The following BTD variants were observed in gnomAD, a reference collection of about 807,000 sequenced individuals.
BTD encodes the protein biocytinase.
In BTD, 13 loss-of-function variants were observed where a neutral mutation model predicts 17.7. The ratio of observed to expected loss-of-function variants is 0.74; its 90% CI spans 0.48 to 1.17. The LOEUF (loss-of-function observed/expected upper bound fraction) is 1.17. Among genes scored for constraint, BTD ranks in the 50% most tolerant of loss-of-function variants. The pLI, the probability that BTD is intolerant of heterozygous loss-of-function variation, is 0.00. For synonymous variants in BTD, 240 were observed against 245.2 expected, an observed-to-expected ratio of 0.98 and a Z score of 0.20; for missense variants, 674 against 650.4, an observed-to-expected ratio of 1.04 and a Z score of -0.39.
chr3:15,639,398 C>A (rs2065440994), intron 2 of BTD, among the ~76,000 whole-genome samples: 1 of 151,838 alleles, frequency 6.6e-6, no homozygotes, highest in Non-Finnish European at 1.5e-5. Flanking sequence ...TTATTTAATT[C>A]ATTAATTAAG....
At chr3:15,619,081 T>C (rs1007035133) in intron 1 of BTD, among the ~76,000 whole-genome samples, 3 of 152,230 alleles carry the variant, frequency 2.0e-5, no homozygotes, top group African/African-American at 7.2e-5. Context: ...TACGGTATGA[T>C]GTTGAAAAGC....
chr3:15,614,078 A>AATGTGTC (rs1284440674), intron 1 of BTD, among the ~76,000 whole-genome samples: 2 of 149,842 alleles, frequency 1.3e-5, no homozygotes, highest in African/African-American at 4.9e-5. Flanking sequence ...AAACATGTGT[A>AATGTGTC]ATGTGTCATG....
chr3:15,716,462 A>G (rs1181212236), downstream of BTD, among the ~76,000 whole-genome samples: 2 of 150,774 alleles, frequency 1.3e-5, no homozygotes, highest in East Asian at 2.0e-4. Flanking sequence ...TGGCTAATTT[A>G]TTTTTTGTAG....
intron 1 of BTD, chr3:15,631,488 T>G (rs1308997618): frequency 6.5e-7 from 1 of 1,534,514 alleles, no homozygotes; most frequent in Non-Finnish European, 8.7e-7. Context: ...GATGAATCAT[T>G]TAGCAAGGTG....
intron 3 of BTD, among the ~76,000 whole-genome samples, chr3:15,699,865 C>T (rs2070298173): frequency 6.6e-6 from 1 of 152,166 alleles, no homozygotes; most frequent in Admixed American, 6.5e-5. Context: ...TACCATTTGA[C>T]CCAGCCATCC....
At chr3:15,618,278 C>T (rs1395841515) in intron 1 of BTD, among the ~76,000 whole-genome samples, 2 of 152,094 alleles carry the variant, frequency 1.3e-5, no homozygotes, top group African/African-American at 4.8e-5. Context: ...AGTTTAGAAT[C>T]AGTTTGTTGA....
intron 3 of BTD, among the ~76,000 whole-genome samples, chr3:15,643,974 ATTTATTTATTTATTT>A (rs1559598616): frequency 1.4e-3 from 25 of 17,490 alleles, no homozygotes; most frequent in African/African-American, 4.2e-3. Context: ...TATTTAATTT[ATTTATTTATTTATTT>A]ATTTATTTAT....
At chr3:15,627,309 G>A (rs1326805451) in intron 1 of BTD, among the ~76,000 whole-genome samples, 2 of 152,138 alleles carry the variant, frequency 1.3e-5, no homozygotes, top group African/African-American at 4.8e-5. Context: ...CGCAACCCCT[G>A]CCTCCCAGGC....
chr3:15,685,208 T>C, intron 3 of BTD: 1 of 1,610,066 alleles, frequency 6.2e-7, no homozygotes, highest in Non-Finnish European at 8.5e-7. Context: ...GATATGCATT[T>C]GTGTTTGTAT....
At chr3:15,678,503 G>C in intron 3 of BTD, 1 of 579,178 alleles carries the variant, frequency 1.7e-6, no homozygotes, top group Non-Finnish European at 2.7e-6. Context: ...AGGCTCAATG[G>C]AGCTTACTAA....
At chr3:15,609,422 A>G (rs1031633041) in intron 1 of BTD, among the ~76,000 whole-genome samples, 1 of 152,204 alleles carries the variant, frequency 6.6e-6, no homozygotes, top group African/African-American at 2.4e-5. Flanking sequence ...TTTTTTGGAA[A>G]CAGTGTGCTC....
At chr3:15,704,590 A>G (rs1575264439) in intron 3 of BTD, among the ~76,000 whole-genome samples, 2 of 152,188 alleles carry the variant, frequency 1.3e-5, no homozygotes, top group East Asian at 3.8e-4. Flanking sequence ...CTTCTTTTAG[A>G]AAATATTTCA....
chr3:15,639,081 T>C (rs948705068), intron 2 of BTD, among the ~76,000 whole-genome samples: 10 of 152,078 alleles, frequency 6.6e-5, no homozygotes, highest in African/African-American at 2.4e-4. Context: ...TAACCTTCAT[T>C]CCTCAGAAGG....
upstream of BTD, chr3:15,601,565 C>T (rs2064244217): frequency 6.2e-7 from 1 of 1,600,868 alleles, no homozygotes; most frequent in Non-Finnish European, 8.5e-7. Flanking sequence ...TGGTACTGCA[C>T]CTCTGACGGA....
At chr3:15,672,338 C>T (rs1271319994) in intron 3 of BTD, among the ~76,000 whole-genome samples, 1 of 152,038 alleles carries the variant, frequency 6.6e-6, no homozygotes, top group Non-Finnish European at 1.5e-5. Flanking sequence ...TACAGGGTCT[C>T]GCTTTGTTCC....
chr3:15,672,940 T>C lies in BTD; in HGVS notation c.399+30883T>C, dbSNP rs2066531108. ...ACAGGCACATGCCACCACACCTGGCTAATTTTTGTATTTTTAGTAGAGACG... is the reference window on the plus strand; with the variant it reads ...ACAGGCACATGCCACCACACCTGGCCAATTTTTGTATTTTTAGTAGAGACG... On this transcript the variant is annotated intron_variant, in intron 3 of 3. Coordinates refer to the BTD transcript ENST00000672141. Among the ~76,000 whole-genome samples the C allele has an allele frequency of 2.0e-5, 3 of 152,210 alleles. No individual in the cohort carries two copies. In the South Asian group the frequency reaches 6.2e-4, roughly 32 times the overall value.
intron 1 of BTD, among the ~76,000 whole-genome samples, chr3:15,629,660 G>T (rs992727327): frequency 6.6e-6 from 1 of 152,130 alleles, no homozygotes; most frequent in Non-Finnish European, 1.5e-5. Context: ...GAGTAGCTGG[G>T]ATTACAGACA....
intron 2 of BTD, among the ~76,000 whole-genome samples, chr3:15,640,141 C>T (rs549220561): frequency 2.0e-5 from 3 of 152,248 alleles, no homozygotes; most frequent in African/African-American, 7.2e-5. Flanking sequence ...AATTTTTATA[C>T]CCTTTGATCC....
In BTD at chr3:15,644,452, T is replaced by A; in HGVS notation, c.536T>A (p.Val179Glu). The A allele has an allele frequency of 1.9e-6, 3 of 1,614,152 alleles. No homozygotes were observed. Among genetic ancestry groups the A allele is most frequent in the Non-Finnish European group, 2.5e-6 (3 of 1,180,030 alleles). The change falls in exon 4 of 4, where the codon GTG (valine) becomes GAG (glutamate). Residue 179 changes from valine to glutamate, a missense_variant. Val to Glu is a moderately radical substitution (Grantham distance 121). Coordinates refer to ENST00000643237, the MANE Select transcript of BTD (RefSeq NM_001370658.1). Reference sequence around the variant, plus strand: ...AGATACCAGTTCAACACAAATGTCGTGTTCAGCAATAATGGAACCCTTGTT... The same window carrying A: ...AGATACCAGTTCAACACAAATGTCGAGTTCAGCAATAATGGAACCCTTGTT... ...DGRYQFNTNV[V>E]FSNNGTLVDR...
Sources: allele counts gnomAD v4.1 joint callset (sites outside exome capture counted in the v4.1 genomes callset), GRCh38; gene constraint gnomAD v4.1.1; transcripts MANE v1.5; gene names NCBI Gene and HGNC (gene_info 2026-07-23, HGNC 2026-07-21).